The following TMC2 variants were observed in gnomAD, a reference collection of about 807,000 sequenced individuals.
TMC2 encodes transmembrane channel-like protein 2.
Under a neutral mutation model 105.9 loss-of-function variants are expected in TMC2, and 102 were observed. That is an observed-to-expected ratio of 0.96 (90% CI 0.82 to 1.14). TMC2 has a LOEUF of 1.14. Ranked by LOEUF, TMC2 falls within the 50% of genes most tolerant of loss-of-function variation. TMC2 has a pLI of 0.00. For missense variants in TMC2, 1,093 were observed against 1,134.3 expected (o/e 0.96, Z 0.52); for synonymous variants, 402 against 422.8 (o/e 0.95, Z 0.60).
chr20:2,606,891 CTTTTTTT>C (rs11476357), intron 11 of TMC2, among the ~76,000 whole-genome samples: 3 of 83,984 alleles, frequency 3.6e-5, no homozygotes, highest in Admixed American at 2.4e-4. Flanking sequence ...TTTCTTTTTT[CTTTTTTT>C]TTTTTTTTTT....
At chr20:2,639,056 T>C (rs1209599332) in intron 19 of TMC2, among the ~76,000 whole-genome samples, 1 of 152,100 alleles carries the variant, frequency 6.6e-6, no homozygotes, top group African/African-American at 2.4e-5. Context: ...CCACCATGCC[T>C]GGCTAATTTT....
Position 2,592,432 on chromosome 20 carries a change from A to T in TMC2, c.933+24A>T, listed in dbSNP as rs779404903. On this transcript the variant is annotated intron_variant, in intron 8 of 19. Transcript: ENST00000358864. This position sits in a 1 kb window ranked among gnomAD's most constrained non-coding sequence, Gnocchi z 4.9. The stretch of plus-strand genomic sequence containing the variant: ...AGGTACTATTGTCAACATGCCAATG[A>T]ACTTCCATTTGTGATTATAAAGGCT... 4 of 1,464,092 alleles carry T rather than the reference A, an allele frequency of 2.7e-6. No individual in the cohort carries two copies. Among genetic ancestry groups the T allele is most frequent in the Non-Finnish European group, 2.9e-6 (3 of 1,043,272 alleles). 90.7% of individuals were successfully genotyped at this position (1,464,092 alleles called of 1,614,324 possible). A position where few individuals can be genotyped will look rare whatever the true frequency, so the allele number is the denominator to read the frequency against.
chr20:2,632,827 G>T (rs1410843454), intron 17 of TMC2, among the ~76,000 whole-genome samples: 1 of 152,098 alleles, frequency 6.6e-6, no homozygotes, highest in Non-Finnish European at 1.5e-5. Context: ...CTGACTTTGT[G>T]ATTCACCCGC....
At chr20:2,625,119 G>GC (rs1162424269) in intron 17 of TMC2, among the ~76,000 whole-genome samples, 2 of 152,294 alleles carry the variant, frequency 1.3e-5, no homozygotes, top group East Asian at 3.9e-4. Flanking sequence ...AAGGCAGGAA[G>GC]CCAGAGTCTT....
intron 2 of TMC2, among the ~76,000 whole-genome samples, chr20:2,539,887 G>C (rs2085877221): frequency 6.6e-6 from 1 of 152,076 alleles, no homozygotes; most frequent in African/African-American, 2.4e-5. Context: ...AAGAGGTTGG[G>C]GCAGGAGTGG....
chr20:2,583,553 C>T (rs1229386678), intron 7 of TMC2, among the ~76,000 whole-genome samples: 1 of 151,938 alleles, frequency 6.6e-6, no homozygotes, highest in Non-Finnish European at 1.5e-5. Context: ...ACCTCTGCCA[C>T]CCAGGTTCAA....
At chr20:2,598,087 TG>T (rs2086321931) in intron 10 of TMC2, among the ~76,000 whole-genome samples, 2 of 151,670 alleles carry the variant, frequency 1.3e-5, no homozygotes, top group Admixed American at 1.3e-4. Context: ...TTTGGGGCTG[TG>T]GGAATAAAGA....
In TMC2 at chr20:2,613,184, T is replaced by C. The variant is rs2086454303; in HGVS notation, c.1744-10T>C. On this transcript the variant is annotated splice_polypyrimidine_tract_variant and intron_variant, in intron 13 of 19. Transcript: ENST00000358864. ...CTCCAACCACCCCCTCTTCCTGTGT[T>C]CCTCTGCAGGAATTCATGAGGCTGA... is the stretch of plus-strand genomic sequence containing the variant. The C allele has an allele frequency of 6.2e-7, 1 of 1,609,758 alleles. No homozygotes were observed. The highest frequency in any genetic ancestry group is 8.5e-7 in the Non-Finnish European group (1 of 1,176,726).
At chr20:2,540,031 C>T (rs1178683710) in intron 2 of TMC2, among the ~76,000 whole-genome samples, 1 of 131,272 alleles carries the variant, frequency 7.6e-6, no homozygotes, top group Non-Finnish European at 1.6e-5. Context: ...TGCTCTGTTG[C>T]CCAGGCTAGA....
chr20:2,536,678 C>A (rs572874261), intron 1 of TMC2, 23 bp downstream of exon 1: 2 of 1,565,666 alleles, frequency 1.3e-6, no homozygotes, highest in African/African-American at 1.3e-5. Flanking sequence ...CCTGATCCTG[C>A]GGGGCCCGCC....
intron 11 of TMC2, 72 bp from the exon 12 acceptor site, chr20:2,610,347 A>T: frequency 7.2e-7 from 1 of 1,391,850 alleles, no homozygotes. Flanking sequence ...ATGGATGGCC[A>T]TGGGAGTGCA....
At chr20:2,638,967 C>A (rs879856603) in intron 19 of TMC2, among the ~76,000 whole-genome samples, 1 of 150,644 alleles carries the variant, frequency 6.6e-6, no homozygotes, top group Non-Finnish European at 1.5e-5. Context: ...GTGATCTCGG[C>A]TCACTGCAGC....
Position 2,642,628 on chromosome 20 carries a change from A to C in TMC2, c.*1277A>C, listed in dbSNP as rs2086696899. The stretch of plus-strand genomic sequence containing the variant: ...ATGCAGAATATTTCTTAGGGGGAAG[A>C]AGCCAGGGGCCAGACCATTAAGAAG... On this transcript the variant is annotated 3_prime_UTR_variant, in exon 20 of 20. Transcript: ENST00000358864. Among the ~76,000 whole-genome samples, 1 of 152,182 alleles carries C rather than the reference A, an allele frequency of 6.6e-6. No individual in the cohort carries two copies. Among genetic ancestry groups the C allele is most frequent in the Non-Finnish European group, 1.5e-5 (1 of 68,020 alleles).
rs1446770505 is a variant in TMC2 at position 2,641,989 on chromosome 20, GC to G, written c.*639del. ...AATCCCAGCTACTTGGGAGGCTGAG[GC>G]AGAAGGATCACTTGAGCCCAGGAGG... On this transcript the variant is annotated 3_prime_UTR_variant, in exon 20 of 20. Coordinates refer to ENST00000358864, the MANE Select transcript of TMC2 (RefSeq NM_080751.3). 6.6e-6 allele frequency among the ~76,000 whole-genome samples: 1 copy of G among 152,174 alleles called. No individual in the cohort carries two copies. The highest frequency in any genetic ancestry group is 2.4e-5 in the African/African-American group (1 of 41,434).
chr20:2,598,849 G>C (rs1024870980), intron 10 of TMC2, among the ~76,000 whole-genome samples: 1 of 151,844 alleles, frequency 6.6e-6, no homozygotes, highest in Non-Finnish European at 1.5e-5. Context: ...AGGCATGGGG[G>C]GTTCTGAAAA....
intron 11 of TMC2, among the ~76,000 whole-genome samples, chr20:2,602,759 A>G (rs183625443): frequency 2.0e-3 from 300 of 152,390 alleles, no homozygotes; most frequent in Non-Finnish European, 3.2e-3. Context: ...ACAATAAAAC[A>G]CATTAAGGTT....
At chr20:2,631,634 A>C (rs1363365099) in intron 17 of TMC2, among the ~76,000 whole-genome samples, 3 of 151,502 alleles carry the variant, frequency 2.0e-5, no homozygotes, top group African/African-American at 4.8e-5. Flanking sequence ...ATTGACTGTT[A>C]ATCTTTCTGA....
At chr20:2,632,492 G>A (rs1033461527) in intron 17 of TMC2, among the ~76,000 whole-genome samples, 2 of 152,014 alleles carry the variant, frequency 1.3e-5, no homozygotes, top group Admixed American at 1.3e-4. Context: ...CAGCATCAAG[G>A]TTTCCTCAGG....
intron 17 of TMC2, among the ~76,000 whole-genome samples, chr20:2,631,591 C>T (rs9917454): frequency 0.17 from 25,474 of 152,078 alleles, 3,220 homozygotes; most frequent in African/African-American, 0.33. Context: ...CATCCCACTG[C>T]CATTTGGCCT....
Sources: allele counts gnomAD v4.1 joint callset (sites outside exome capture counted in the v4.1 genomes callset), GRCh38; gene constraint gnomAD v4.1.1; non-coding constraint Gnocchi (gnomAD v3.1); transcripts MANE v1.5; gene names NCBI Gene and HGNC (gene_info 2026-07-23, HGNC 2026-07-21).